The following NTAN1 variants were observed in gnomAD, a reference collection of about 807,000 sequenced individuals.
The protein encoded by NTAN1 is N-terminal asparagine amidase.
NTAN1 carries 32 observed loss-of-function variants against 41.9 expected under a neutral mutation model. That is an observed-to-expected ratio of 0.76 (90% CI 0.58 to 1.03). The LOEUF (loss-of-function observed/expected upper bound fraction) is 1.03, where lower values mean the gene tolerates loss of function less well. NTAN1 is among the 50% of genes least tolerant of loss of function. The probability of loss-of-function intolerance (pLI) is 0.00; values close to 1 mark genes in which losing one functional copy is unlikely to be tolerated. For missense variants in NTAN1, 377 were observed against 377.5 expected (o/e 1.00, Z 0.01); for synonymous variants, 140 against 139.5 (o/e 1.00, Z -0.03).
At chr16:15,038,495 G>A in intron 9 of NTAN1, 79 bp downstream of exon 9, 2 of 830,566 alleles carry the variant, frequency 2.4e-6, no homozygotes, top group Non-Finnish European at 4.0e-6. Flanking sequence ...GCTATGACCT[G>A]GTCTAAACCC....
chr16:15,038,277 C>A, intron 9 of NTAN1, 67 bp from the exon 10 acceptor site: 2 of 1,124,044 alleles, frequency 1.8e-6, no homozygotes, highest in South Asian at 1.4e-5. Context: ...ATAAAGATGT[C>A]AAAGTATCTT....
rs1430347885 is a variant in NTAN1 at position 15,041,079 on chromosome 16, A to G, written c.530T>C (p.Ile177Thr). 3 of 1,599,216 alleles carry G rather than the reference A, an allele frequency of 1.9e-6. No individual in the cohort carries two copies. The highest frequency in any genetic ancestry group is 2.7e-5 in the African/African-American group (2 of 74,656). ...TGCACACTACTTACCAATGCCATAT[A>G]TTACTGGAAAGTGGTTTTCGTTTTC... ...REENENHFPV[I>T]YGIAVNIKTA... The change falls in exon 7 of 10, where the codon ATA becomes ACA. Residue 177 changes from isoleucine to threonine, a missense_variant. Physicochemically the swap from Ile to Thr is moderately conservative, Grantham distance 89. Transcript: ENST00000287706.
chr16:15,047,604 G>C, intron 3 of NTAN1, 54 bp from the exon 4 acceptor site: 1 of 1,297,354 alleles, frequency 7.7e-7, no homozygotes. Flanking sequence ...AGTGCAGTGC[G>C]CAGGCCGAGA....
chr16:15,055,535 C>A (rs373231249), intron 1 of NTAN1, among the ~76,000 whole-genome samples: 6 of 152,340 alleles, frequency 3.9e-5, no homozygotes, highest in African/African-American at 2.4e-5. Flanking sequence ...CGAAGGCGGG[C>A]GGCCGGATTT....
At chr16:15,049,363 T>G (rs1428779883) in intron 1 of NTAN1, among the ~76,000 whole-genome samples, 2 of 152,090 alleles carry the variant, frequency 1.3e-5, no homozygotes, top group Admixed American at 1.3e-4. Flanking sequence ...ACCTAGTAAT[T>G]TCACTTCTGG....
At position 15,038,181 on chromosome 16, in the gene NTAN1, T is replaced by TG; in HGVS notation, c.782dup (p.Pro262ThrfsTer5). Reference sequence around the variant, plus strand: ...ATCTAATATGTTCAACAAAGTGGGGTGGCTCAGCCAGAGGCGAAGTGGAAA... The same window carrying TG: ...ATCTAATATGTTCAACAAAGTGGGGTGGGCTCAGCCAGAGGCGAAGTGGAAA... On this transcript the variant is annotated frameshift_variant, in exon 10 of 10. Coordinates refer to ENST00000287706, the MANE Select transcript of NTAN1 (RefSeq NM_173474.4). LOFTEE classifies it high-confidence loss of function. 6.2e-7 allele frequency: 1 copy of TG among 1,613,030 alleles called. No individual in the cohort carries two copies. Among genetic ancestry groups the TG allele is most frequent in the Non-Finnish European group, 8.5e-7 (1 of 1,179,702 alleles).
chr16:15,040,934 G>C (rs1207290449), intron 7 of NTAN1, 134 bp downstream of exon 7: 1 of 696,760 alleles, frequency 1.4e-6, no homozygotes, highest in African/African-American at 1.8e-5. Context: ...CCTCACAGCA[G>C]ATGTTCGGAG....
At chr16:15,043,646 T>A (rs2043924179) in intron 5 of NTAN1, among the ~76,000 whole-genome samples, 1 of 152,172 alleles carries the variant, frequency 6.6e-6, no homozygotes, top group South Asian at 2.1e-4. Flanking sequence ...TTCTTTCTTT[T>A]TTGAAAATAT....
At chr16:15,051,411 G>A (rs1257331213) in intron 1 of NTAN1, among the ~76,000 whole-genome samples, 2 of 152,104 alleles carry the variant, frequency 1.3e-5, no homozygotes, top group African/African-American at 2.4e-5. Context: ...GGAGTGCAGC[G>A]GCGAGATCGT....
At chr16:15,038,421 T>A in intron 9 of NTAN1, 153 bp downstream of exon 9, 1 of 623,810 alleles carries the variant, frequency 1.6e-6, no homozygotes, top group Non-Finnish European at 2.8e-6. Context: ...CCCCATTTGA[T>A]ATACAAGTTA....
intron 6 of NTAN1, 66 bp downstream of exon 6, chr16:15,041,557 G>C (rs1280413500): frequency 8.8e-7 from 1 of 1,131,092 alleles, no homozygotes; most frequent in Non-Finnish European, 1.4e-6. Flanking sequence ...TGGGCCCACT[G>C]CAAGACTGGG....
intron 1 of NTAN1, among the ~76,000 whole-genome samples, chr16:15,054,785 T>C (rs2044436591): frequency 6.6e-6 from 1 of 152,168 alleles, no homozygotes. Context: ...GTGAGGACAC[T>C]ACTCTTATCT....
At chr16:15,044,253 C>A (rs2043952107) in intron 5 of NTAN1, 81 bp downstream of exon 5, 3 of 931,720 alleles carry the variant, frequency 3.2e-6, no homozygotes, top group South Asian at 1.4e-5. Flanking sequence ...GGGTTTTGTA[C>A]CAATTGGGAT....
rs558834665 is a variant in NTAN1, at chr16:15,048,019, A to G, written c.162T>C (p.Leu54=). The G allele has an allele frequency of 3.1e-6, 5 of 1,613,126 alleles. No homozygotes were observed. Among genetic ancestry groups the G allele is most frequent in the Non-Finnish European group, 4.2e-6 (5 of 1,179,052 alleles). The change falls in exon 2 of 10, where the codon CTT becomes CTC. Residue 54 remains leucine, a synonymous_variant. Transcript: ENST00000287706. ...TACCATCCTTTGGGGAGGTCACTGC[A>G]AGCTCTCTTTGCTGAACATACAGAA... is the stretch of plus-strand genomic sequence containing the variant. ...QGLLYVQQRE[L]AVTSPKDGSI... is the part of the protein sequence containing the mutation.
intron 4 of NTAN1, chr16:15,047,236 C>T: frequency 1.8e-6 from 1 of 557,346 alleles, no homozygotes; most frequent in East Asian, 2.9e-5. Context: ...AAATCCAGCA[C>T]AGACTCCTTG....
intron 4 of NTAN1, chr16:15,047,160 G>T (rs1036066573): frequency 4.3e-6 from 2 of 462,486 alleles, no homozygotes; most frequent in Admixed American, 3.7e-5. Context: ...AGAGCAAAAC[G>T]ATGTGAAAAT....
rs551078773 is a variant in NTAN1, at chr16:15,037,879, T to TTGAAAGTCATTTGA, written c.*138_*151dup. The TTGAAAGTCATTTGA allele has an allele frequency of 3.7e-4, 203 of 555,726 alleles. No homozygotes were observed. The East Asian group carries it at 4.9e-3, about 13-fold the overall frequency. The allele number at this position is 555,726 out of a possible 1,614,324, so 34.4% of individuals were successfully genotyped here. ...GCCTTTGCCAAAATAAGGTTTTATT[T>TTGAAAGTCATTTGA]TGAAAGTCATTTGATGAAAGTCATT... On this transcript the variant is annotated 3_prime_UTR_variant, in exon 10 of 10. Coordinates refer to ENST00000287706, the MANE Select transcript of NTAN1 (RefSeq NM_173474.4).
At chr16:15,040,282 A>C (rs891842749) in intron 7 of NTAN1, 1 of 428,214 alleles carries the variant, frequency 2.3e-6, no homozygotes, top group Non-Finnish European at 4.1e-6. Context: ...GGACTCGGTG[A>C]GATTTTGTTC....
intron 3 of NTAN1, 93 bp from the exon 4 acceptor site, chr16:15,047,643 C>T: frequency 2.0e-6 from 2 of 1,015,844 alleles, no homozygotes; most frequent in Non-Finnish European, 3.1e-6. Context: ...ACCGCCTCAT[C>T]TTTGAATATC....
Sources: gnomAD v4.1 joint callset for allele counts (sites outside exome capture counted in the v4.1 genomes callset) on GRCh38, gnomAD v4.1.1 for gene constraint, MANE v1.5 for transcripts, NCBI Gene and HGNC (gene_info 2026-07-23, HGNC 2026-07-21) for gene names.